IGLON5: variants seen among roughly 807,000 people sequenced by gnomAD.
The protein encoded by IGLON5 is IgLON family member 5, also known as Ig-like domain-containing protein ENSP00000270642.
Under a neutral mutation model 38.2 loss-of-function variants are expected in IGLON5, and 16 were observed. That is an observed-to-expected ratio of 0.42 (90% CI 0.28 to 0.64). The LOEUF (loss-of-function observed/expected upper bound fraction) is 0.64. Ranked by LOEUF, IGLON5 falls within the 30% of genes least tolerant of loss-of-function variation. The pLI, the probability that IGLON5 is intolerant of heterozygous loss-of-function variation, is 0.23. For synonymous variants in IGLON5, 207 were observed against 216.4 expected, an observed-to-expected ratio of 0.96 and a Z score of 0.38; for missense variants, 366 against 483.4, an observed-to-expected ratio of 0.76 and a Z score of 2.28.
intron 1 of IGLON5, among the ~76,000 whole-genome samples, chr19:51,318,624 A>G (rs1471397061): frequency 6.6e-6 from 1 of 151,914 alleles, no homozygotes; most frequent in African/African-American, 2.4e-5. Flanking sequence ...AGTCCCAGCT[A>G]CTCGGGAGGC....
intron 5 of IGLON5, 21 bp downstream of exon 5, chr19:51,326,919 G>T: frequency 6.4e-7 from 1 of 1,570,882 alleles, no homozygotes; most frequent in Non-Finnish European, 8.6e-7. Flanking sequence ...CTGGCACTGG[G>T]CACGAAAGGG....
Position 51,325,084 on chromosome 19 carries a change from G to A in IGLON5, c.392-262G>A, listed in dbSNP as rs1985178592. ...CAGCAATTAGACAAGAAGATGCCAG[G>A]CCCAGACAGAGGTTTCAGAGAAAAA... On this transcript the variant is annotated intron_variant, in intron 3 of 7. Coordinates refer to ENST00000270642, the MANE Select transcript of IGLON5 (RefSeq NM_001101372.3). The surrounding 1 kb of genome is among the most constrained non-coding windows in gnomAD (Gnocchi z 5.5). Among the ~76,000 whole-genome samples the A allele has an allele frequency of 6.6e-6, 1 of 152,086 alleles. No individual in the cohort carries two copies. The highest frequency in any genetic ancestry group is 1.5e-5 in the Non-Finnish European group (1 of 68,024).
intron 1 of IGLON5, among the ~76,000 whole-genome samples, chr19:51,319,965 CAT>C (rs1985012982): frequency 1.3e-5 from 2 of 152,156 alleles, no homozygotes; most frequent in Admixed American, 1.3e-4. Flanking sequence ...TGGGTAAGGA[CAT>C]AGCAAGTGTG....
rs2123538871 is a variant in IGLON5, at chr19:51,328,726, C to T, written c.978C>T (p.Leu326=). Residue 326 remains leucine, a synonymous_variant, in exon 8 of 8, where the codon CTC becomes CTT. Coordinates refer to ENST00000270642, the MANE Select transcript of IGLON5 (RefSeq NM_001101372.3). ...APRPPGLLAL[L]SALGWLWWRM is the part of the protein sequence containing the mutation. ...GGCCCCCAGGGCTCCTGGCCCTCCT[C>T]TCCGCCCTGGGCTGGCTGTGGTGGA... 1.1e-5 allele frequency: 18 copies of T among 1,601,720 alleles called. No homozygotes were observed. Among genetic ancestry groups the T allele is most frequent in the Non-Finnish European group, 1.5e-5 (18 of 1,174,346 alleles).
Position 51,311,675 on chromosome 19 carries a change from C to G in IGLON5, c.-173C>G, listed in dbSNP as rs1369948910. ...GCCGCCCCCCTCCCCGGGTCTGCAG[C>G]AGCTCCAGCCGCCTCGTCGCGCCCC... On this transcript the variant is annotated 5_prime_UTR_variant, in exon 1 of 8. Coordinates refer to ENST00000270642, the MANE Select transcript of IGLON5 (RefSeq NM_001101372.3). Among the ~76,000 whole-genome samples the G allele has an allele frequency of 1.4e-5, 2 of 141,454 alleles. No individual in the cohort carries two copies. The highest frequency in any genetic ancestry group is 3.2e-5 in the Non-Finnish European group (2 of 63,270). 92.8% of individuals were successfully genotyped at this position (141,454 alleles called of 152,430 possible).
rs375753533 is a variant in IGLON5, at chr19:51,323,274, C to CTGTG, written c.159-376_159-373dup. Among the ~76,000 whole-genome samples the CTGTG allele has an allele frequency of 4.6e-5, 7 of 150,606 alleles. No individual in the cohort carries two copies. The East Asian group carries it at 1.4e-3, about 29-fold the overall frequency. On this transcript the variant is annotated intron_variant, in intron 2 of 7. Transcript: ENST00000270642. ...TCTCTCTCTCTGGGTCTCTGTCCCT[C>CTGTG]TGTGTGTGTGTGTGTCTCTGTCCTT...
intron 1 of IGLON5, among the ~76,000 whole-genome samples, chr19:51,321,347 T>C (rs548721805): frequency 6.6e-6 from 1 of 152,154 alleles, no homozygotes; most frequent in East Asian, 1.9e-4. Context: ...CCGGCTAATA[T>C]TTTGTATTTT....
Position 51,323,061 on chromosome 19 carries a change from C to A in IGLON5, c.159-601C>A, listed in dbSNP as rs575393365. On this transcript the variant is annotated intron_variant, in intron 2 of 7. Coordinates refer to ENST00000270642, the MANE Select transcript of IGLON5 (RefSeq NM_001101372.3). ...CCTCTCTCTGGGTCTTTGTCTCTTT[C>A]TCTCTGGGTGTCTGTATCTGTGTGT... 2.0e-5 allele frequency among the ~76,000 whole-genome samples: 3 copies of A among 149,212 alleles called. No homozygotes were observed. In the South Asian group the frequency reaches 6.5e-4, roughly 32 times the overall value.
chr19:51,320,540 T>G (rs1366054725), intron 1 of IGLON5, among the ~76,000 whole-genome samples: 2 of 152,182 alleles, frequency 1.3e-5, no homozygotes, highest in Non-Finnish European at 2.9e-5. Flanking sequence ...TACAGAGAGA[T>G]GACTGCGTGG....
Position 51,315,589 on chromosome 19 carries a change from A to C in IGLON5, c.79+3663A>C, listed in dbSNP as rs1350638819. Among the ~76,000 whole-genome samples the C allele has an allele frequency of 2.0e-5, 3 of 152,252 alleles. No individual in the cohort carries two copies. In the East Asian group the frequency reaches 5.8e-4, roughly 29 times the overall value. On this transcript the variant is annotated intron_variant, in intron 1 of 7. Transcript: ENST00000270642. ...CAGAGAGTGATGAGTAATGTAAAGA[A>C]GATAAAAGTGACTTGGCCTTTGAAG...
intron 5 of IGLON5, 24 bp downstream of exon 5, chr19:51,326,922 C>G (rs1247484103): frequency 1.3e-6 from 2 of 1,570,886 alleles, no homozygotes; most frequent in Non-Finnish European, 1.7e-6. Context: ...GCACTGGGCA[C>G]GAAAGGGTGG....
chr19:51,323,146 C>T (rs1463070033), intron 2 of IGLON5, among the ~76,000 whole-genome samples: 1 of 148,818 alleles, frequency 6.7e-6, no homozygotes, highest in Non-Finnish European at 1.5e-5. Flanking sequence ...GGGTCTCTAT[C>T]CCCCTCTCCC....
chr19:51,326,737 GC>G (rs1219699579), intron 4 of IGLON5, 26 bp from the exon 5 acceptor site: 11 of 1,463,362 alleles, frequency 7.5e-6, no homozygotes, highest in Non-Finnish European at 1.0e-5. Context: ...GTCCGGCCCC[GC>G]CCCCTCCTCC....
chr19:51,312,479 C>T (rs914083781), intron 1 of IGLON5, among the ~76,000 whole-genome samples: 32 of 152,012 alleles, frequency 2.1e-4, no homozygotes, highest in Non-Finnish European at 4.0e-4. Context: ...CAGACCTAGT[C>T]CCAGGGTCAG....
In IGLON5 at chr19:51,327,929, C is replaced by CG. The variant is rs533204319; in HGVS notation, c.922+48dup. On this transcript the variant is annotated intron_variant, in intron 7 of 7. Transcript: ENST00000270642. The surrounding 1 kb of genome is among the most constrained non-coding windows in gnomAD (Gnocchi z 7.1). ...GCGGGGCCGGGAAGGTGGGCGGGGCCGGGGGCGGGGCTAGGGAAGTGGAGA... is the reference window on the plus strand; with the variant it reads ...GCGGGGCCGGGAAGGTGGGCGGGGCCGGGGGGCGGGGCTAGGGAAGTGGAGA... 0.014 allele frequency: 12,755 copies of CG among 940,326 alleles called. 89 individuals carry two copies. The highest frequency in any genetic ancestry group is 0.015 in the South Asian group (811 of 52,998). 58.2% of individuals were successfully genotyped at this position (940,326 alleles called of 1,614,324 possible). A position where few individuals can be genotyped will look rare whatever the true frequency, so the allele number is the denominator to read the frequency against.
Position 51,327,223 on chromosome 19 carries a change from C to G in IGLON5, c.767+23C>G, listed in dbSNP as rs756986188. 6 of 1,595,330 alleles carry G rather than the reference C, an allele frequency of 3.8e-6. No homozygotes were observed. In the East Asian group the frequency reaches 1.4e-4, roughly 36 times the overall value. ...ACTGTGAGGACAGCACTGAGGGGGCCGTGGGAGCGGGAAGGGGAGGTCTTT... is the reference window on the plus strand; with the variant it reads ...ACTGTGAGGACAGCACTGAGGGGGCGGTGGGAGCGGGAAGGGGAGGTCTTT... On this transcript the variant is annotated intron_variant, in intron 6 of 7. Coordinates refer to ENST00000270642, the MANE Select transcript of IGLON5 (RefSeq NM_001101372.3). This position sits in a 1 kb window ranked among gnomAD's most constrained non-coding sequence, Gnocchi z 7.1.
Position 51,325,196 on chromosome 19 carries a change from C to T in IGLON5, c.392-150C>T, listed in dbSNP as rs1313767028. 8 of 1,101,058 alleles carry T rather than the reference C, an allele frequency of 7.3e-6. No homozygotes were observed. The highest frequency in any genetic ancestry group is 2.3e-5 in the Admixed American group (1 of 43,158). 68.2% of individuals were successfully genotyped at this position (1,101,058 alleles called of 1,614,324 possible). A position where few individuals can be genotyped will look rare whatever the true frequency, so the allele number is the denominator to read the frequency against. ...AAGAGGAACTGCGGGTCTGAACTCC[C>T]GGGTCTGAGGGAGGAGGGGCTGGGG... On this transcript the variant is annotated intron_variant, in intron 3 of 7. Transcript: ENST00000270642. The surrounding 1 kb of genome is among the most constrained non-coding windows in gnomAD (Gnocchi z 5.5).
Position 51,318,857 on chromosome 19 carries a change from C to T in IGLON5, c.80-3207C>T, listed in dbSNP as rs568211079. ...GTTCAGGAGCCCTGGAGCCCCTGAA[C>T]CTTAGGGTAGGCACCTTGGACAGCT... On this transcript the variant is annotated intron_variant, in intron 1 of 7. Transcript: ENST00000270642. Among the ~76,000 whole-genome samples the T allele has an allele frequency of 2.6e-5, 4 of 152,286 alleles. No individual in the cohort carries two copies. In the South Asian group the frequency reaches 8.3e-4, roughly 32 times the overall value.
In IGLON5 at chr19:51,327,929, CG is replaced by C. The variant is rs533204319; in HGVS notation, c.922+48del. ...GCGGGGCCGGGAAGGTGGGCGGGGC[CG>C]GGGGCGGGGCTAGGGAAGTGGAGAC... is the stretch of plus-strand genomic sequence containing the variant. On this transcript the variant is annotated intron_variant, in intron 7 of 7. Coordinates refer to ENST00000270642, the MANE Select transcript of IGLON5 (RefSeq NM_001101372.3). The surrounding 1 kb of genome is among the most constrained non-coding windows in gnomAD (Gnocchi z 7.1). 6.4e-4 allele frequency: 599 copies of C among 940,512 alleles called. No homozygotes were observed. Among genetic ancestry groups the C allele is most frequent in the African/African-American group, 5.6e-3 (313 of 55,412 alleles). The allele number at this position is 940,512 out of a possible 1,614,324, so 58.3% of individuals were successfully genotyped here.
Sources: allele counts gnomAD v4.1 joint callset (sites outside exome capture counted in the v4.1 genomes callset), GRCh38; gene constraint gnomAD v4.1.1; non-coding constraint Gnocchi (gnomAD v3.1); transcripts MANE v1.5; gene names NCBI Gene and HGNC (gene_info 2026-07-23, HGNC 2026-07-21).